Variants in TMEM209 observed in about 807,000 individuals in gnomAD.
TMEM209 encodes the protein testicular tissue protein Li 202.
TMEM209 carries 65 observed loss-of-function variants against 76.2 expected under a neutral mutation model. The observed-to-expected ratio is 0.85, with a 90% CI of 0.70 to 1.05. The LOEUF (loss-of-function observed/expected upper bound fraction) is 1.05, where lower values mean the gene tolerates loss of function less well. Among genes scored for constraint, TMEM209 ranks in the 50% least tolerant of loss-of-function variants. The pLI is 0.00. For synonymous variants in TMEM209, 239 were observed against 237.6 expected (o/e 1.01, Z -0.06); for missense variants, 623 against 685.5 (o/e 0.91, Z 1.02).
At chr7:130,178,830 T>G (rs780505358) in intron 9 of TMEM209, among the ~76,000 whole-genome samples, 17 of 152,122 alleles carry the variant, frequency 1.1e-4, no homozygotes, top group Non-Finnish European at 2.1e-4. Context: ...CGCTGGAGTA[T>G]AGCGGCACAA....
rs1339884064 is a variant in TMEM209 at position 130,165,713 on chromosome 7, A to AC, written c.*737_*738insG. On this transcript the variant is annotated 3_prime_UTR_variant, in exon 15 of 15. Coordinates refer to ENST00000397622, the MANE Select transcript of TMEM209 (RefSeq NM_032842.4). ...TGGGGAAACATTAAAAAAAAAAAAA[A>AC]AAAAACTAAATCAGCAATTTTCTTA... is the stretch of plus-strand genomic sequence containing the variant. The AC allele has an allele frequency of 2.6e-5, 4 of 151,654 alleles. No individual in the cohort carries two copies. Among genetic ancestry groups the AC allele is most frequent in the Non-Finnish European group, 5.9e-5 (4 of 67,930 alleles). 9.4% of individuals were successfully genotyped at this position (151,654 alleles called of 1,614,324 possible). A position where few individuals can be genotyped will look rare whatever the true frequency, so the allele number is the denominator to read the frequency against.
Position 130,185,363 on chromosome 7 carries a change from G to A in TMEM209, c.780C>T (p.Ser260=), listed in dbSNP as rs771451399. The change falls in exon 7 of 15, where the codon AGC becomes AGT. Residue 260 remains serine, a synonymous_variant. Transcript: ENST00000397622. ...TGCTGGAAGGAGAGGTAGAATCTGGGCTCCCTACAATTGTTAAGATAAACA... is the reference window on the plus strand; with the variant it reads ...TGCTGGAAGGAGAGGTAGAATCTGGACTCCCTACAATTGTTAAGATAAACA... The part of the protein sequence containing the change: ...EEKQHRVKLG[S]PDSTSPSSSP... 1 of 1,613,364 alleles carries A rather than the reference G, an allele frequency of 6.2e-7. No individual in the cohort carries two copies. Among genetic ancestry groups the A allele is most frequent in the African/African-American group, 1.3e-5 (1 of 75,028 alleles).
intron 13 of TMEM209, among the ~76,000 whole-genome samples, chr7:130,171,664 A>G (rs1314928870): frequency 6.6e-6 from 1 of 152,234 alleles, no homozygotes; most frequent in Non-Finnish European, 1.5e-5. Context: ...TAGCCAATGT[A>G]AAATTTCTTA....
chr7:130,198,181 A>G (rs745818580), intron 5 of TMEM209, among the ~76,000 whole-genome samples: 2 of 152,114 alleles, frequency 1.3e-5, no homozygotes, highest in Non-Finnish European at 2.9e-5. Flanking sequence ...GTCTTTTGTG[A>G]CTGGTTTCTT....
chr7:130,200,916 C>T (rs940488355), intron 5 of TMEM209, among the ~76,000 whole-genome samples: 3 of 151,564 alleles, frequency 2.0e-5, no homozygotes, highest in Non-Finnish European at 2.9e-5. Flanking sequence ...GGCGAAACCC[C>T]GTCTCTACTG....
chr7:130,169,394 C>T (rs1009120266), intron 14 of TMEM209, among the ~76,000 whole-genome samples: 1 of 152,092 alleles, frequency 6.6e-6, no homozygotes, highest in African/African-American at 2.4e-5. Flanking sequence ...ACCTAATAAA[C>T]AGGTGAAATT....
chr7:130,171,351 T>C (rs1030276484), intron 13 of TMEM209, among the ~76,000 whole-genome samples: 14 of 152,212 alleles, frequency 9.2e-5, no homozygotes, highest in South Asian at 2.1e-4. Flanking sequence ...TAATTTTTGG[T>C]CTGTAAAAAC....
intron 10 of TMEM209, among the ~76,000 whole-genome samples, chr7:130,175,973 A>G (rs1797222278): frequency 6.6e-6 from 1 of 152,194 alleles, no homozygotes; most frequent in Admixed American, 6.5e-5. Flanking sequence ...AATGCATGCT[A>G]AAAAGTAATG....
chr7:130,201,865 G>A lies in TMEM209; in HGVS notation c.558C>T (p.Val186=). Residue 186 remains valine, a synonymous_variant, in exon 5 of 15, where the codon GTC becomes GTT. Coordinates refer to ENST00000397622, the MANE Select transcript of TMEM209 (RefSeq NM_032842.4). ...SYSPGVTYSP[V]SGYNKLASFS... is the part of the protein sequence containing the mutation. The stretch of plus-strand genomic sequence containing the variant: ...GAGTCATTACCTTATTATAACCACT[G>A]ACGGGCGAGTAGGTCACTCCAGGGC... The A allele has an allele frequency of 6.2e-7, 1 of 1,613,944 alleles. No homozygotes were observed.
At position 130,172,250 on chromosome 7, in the gene TMEM209, T is replaced by C. The variant is rs551173262; in HGVS notation, c.1557+1382A>G. Among the ~76,000 whole-genome samples, 12 of 152,358 alleles carry C rather than the reference T, an allele frequency of 7.9e-5. 1 individual carries two copies. Among genetic ancestry groups the C allele is most frequent in the Admixed American group, 7.2e-4 (11 of 15,304 alleles). On this transcript the variant is annotated intron_variant, in intron 13 of 14. Transcript: ENST00000397622. ...GTTATTTTTAAAGTCTTAAAAATAT[T>C]TTGACCTAGAATTCCACTTTTAGAA...
intron 8 of TMEM209, 125 bp from the exon 9 acceptor site, chr7:130,181,844 T>A: frequency 1.4e-6 from 1 of 693,784 alleles, no homozygotes; most frequent in Admixed American, 2.6e-5. Flanking sequence ...ATTAAAAGAA[T>A]CATAAAGTAT....
rs891184959 is a variant in TMEM209, at chr7:130,193,600, C to T, written c.574-777G>A. 4.6e-5 allele frequency among the ~76,000 whole-genome samples: 7 copies of T among 151,426 alleles called. No homozygotes were observed. In the East Asian group the frequency reaches 9.7e-4, roughly 21 times the overall value. The stretch of plus-strand genomic sequence containing the variant: ...AAAAGACATAAAGCAATCTTAAATG[C>T]ATATTGTTAAGTGAAAGAAGCCAAT... On this transcript the variant is annotated intron_variant, in intron 5 of 14. Transcript: ENST00000397622.
intron 5 of TMEM209, 57 bp downstream of exon 5, chr7:130,201,793 T>C (rs1456529894): frequency 1.3e-6 from 2 of 1,598,486 alleles, no homozygotes; most frequent in Non-Finnish European, 1.7e-6. Context: ...TAGATGATTT[T>C]TAGTATACCT....
intron 5 of TMEM209, among the ~76,000 whole-genome samples, chr7:130,197,980 T>G (rs1798048305): frequency 6.6e-6 from 1 of 152,216 alleles, no homozygotes; most frequent in Non-Finnish European, 1.5e-5. Context: ...AGTGCACAAC[T>G]CAATGTTTTA....
At chr7:130,181,903 A>C in intron 8 of TMEM209, 184 bp from the exon 9 acceptor site, 1 of 522,994 alleles carries the variant, frequency 1.9e-6, no homozygotes, top group South Asian at 2.3e-5. Context: ...GAGATGGTTA[A>C]ATAAATATGC....
chr7:130,180,780 C>T (rs1039330062), intron 9 of TMEM209, among the ~76,000 whole-genome samples: 2 of 152,198 alleles, frequency 1.3e-5, no homozygotes, highest in Admixed American at 1.3e-4. Flanking sequence ...CATCATTTCA[C>T]GCCTACTGCA....
At chr7:130,187,192 G>A (rs945758486) in intron 6 of TMEM209, among the ~76,000 whole-genome samples, 2 of 151,326 alleles carry the variant, frequency 1.3e-5, no homozygotes, top group Admixed American at 6.6e-5. Flanking sequence ...TCAGTGAGCC[G>A]AGATCACCCC....
intron 8 of TMEM209, among the ~76,000 whole-genome samples, chr7:130,182,345 T>C (rs1177850959): frequency 6.6e-6 from 1 of 152,246 alleles, no homozygotes; most frequent in Non-Finnish European, 1.5e-5. Flanking sequence ...TTCTGATTAT[T>C]ATGTTTAGCT....
intron 5 of TMEM209, among the ~76,000 whole-genome samples, chr7:130,200,546 T>C (rs1798153434): frequency 6.6e-6 from 1 of 152,188 alleles, no homozygotes; most frequent in Admixed American, 6.5e-5. Context: ...AATTATGGTA[T>C]ATCCATTAGA....
Sources: allele counts gnomAD v4.1 joint callset (sites outside exome capture counted in the v4.1 genomes callset), GRCh38; gene constraint gnomAD v4.1.1; transcripts MANE v1.5; gene names NCBI Gene and HGNC (gene_info 2026-07-23, HGNC 2026-07-21).